The following TNFRSF21 variants were observed in gnomAD, a reference collection of about 807,000 sequenced individuals.
TNFRSF21 encodes tumor necrosis factor receptor superfamily member 21.
TNFRSF21 carries 19 observed loss-of-function variants against 45.6 expected under a neutral mutation model. The ratio of observed to expected loss-of-function variants is 0.42; its 90% confidence interval spans 0.29 to 0.61. The LOEUF (loss-of-function observed/expected upper bound fraction) is 0.61, where lower values mean the gene tolerates loss of function less well. Among genes scored for constraint, TNFRSF21 ranks in the 20% least tolerant of loss-of-function variants. TNFRSF21 has a pLI of 0.23. For synonymous variants in TNFRSF21, 314 were observed against 335.5 expected (o/e 0.94, Z 0.70); for missense variants, 737 against 851.5 (o/e 0.87, Z 1.67).
chr6:47,234,974 T>A, intron 4 of TNFRSF21, 76 bp from the exon 5 acceptor site: 1 of 809,358 alleles, frequency 1.2e-6, no homozygotes. Flanking sequence ...TCAGAGGCTA[T>A]TTTTTTTGTT....
chr6:47,273,234 T>A (rs967256827), intron 3 of TNFRSF21, among the ~76,000 whole-genome samples: 2 of 152,068 alleles, frequency 1.3e-5, no homozygotes. Context: ...TAGACCAATA[T>A]CCCTGATGAA....
rs1764590390 is a variant in TNFRSF21, at chr6:47,231,997, C to A, written c.*768G>T. 1 of 152,604 alleles carries A rather than the reference C, an allele frequency of 6.6e-6. No individual in the cohort carries two copies. Among genetic ancestry groups the A allele is most frequent in the Non-Finnish European group, 1.5e-5 (1 of 68,040 alleles). 9.5% of individuals were successfully genotyped at this position (152,604 alleles called of 1,614,324 possible). A position where few individuals can be genotyped will look rare whatever the true frequency, so the allele number is the denominator to read the frequency against. The stretch of plus-strand genomic sequence containing the variant: ...CCCAGTTGTCAAGCCACTTAAATAG[C>A]AAATCCTGATGGCTTGAGGATTTCA... On this transcript the variant is annotated 3_prime_UTR_variant, in exon 6 of 6. Coordinates refer to ENST00000296861, the MANE Select transcript of TNFRSF21 (RefSeq NM_014452.5).
chr6:47,249,139 C>G (rs1219290243), intron 4 of TNFRSF21, among the ~76,000 whole-genome samples: 1 of 152,222 alleles, frequency 6.6e-6, no homozygotes, highest in Non-Finnish European at 1.5e-5. Flanking sequence ...TCCTCCCAAC[C>G]TCTTGGATTT....
intron 1 of TNFRSF21, among the ~76,000 whole-genome samples, chr6:47,289,322 C>T (rs904116382): frequency 6.6e-6 from 1 of 152,260 alleles, no homozygotes; most frequent in Admixed American, 6.5e-5. Context: ...CTCTCCTACC[C>T]CAAAATTTAA....
rs766011219 is a variant in TNFRSF21, at chr6:47,286,844, CT to C, written c.97-250del. Among the ~76,000 whole-genome samples, 10 of 152,270 alleles carry C rather than the reference CT, an allele frequency of 6.6e-5. No homozygotes were observed. In the South Asian group the frequency reaches 1.2e-3, roughly 19 times the overall value. ...TTTCACTGCCTGACCTTTGCCTCAG[CT>C]TCCTTTTTTTCCATTTGTAAAATGA... On this transcript the variant is annotated intron_variant, in intron 1 of 5. Transcript: ENST00000296861.
chr6:47,305,856 T>C (rs1244582841), intron 1 of TNFRSF21, among the ~76,000 whole-genome samples: 1 of 152,184 alleles, frequency 6.6e-6, no homozygotes, highest in Admixed American at 6.5e-5. Flanking sequence ...CCTATGCAGT[T>C]AAAGCGAGCT....
intron 1 of TNFRSF21, among the ~76,000 whole-genome samples, chr6:47,292,080 G>GA (rs1253325719): frequency 6.6e-6 from 1 of 152,140 alleles, no homozygotes; most frequent in Non-Finnish European, 1.5e-5. Context: ...ATCTGGGAGT[G>GA]AAACAATGAG....
chr6:47,252,338 C>T (rs1362812575), intron 4 of TNFRSF21, among the ~76,000 whole-genome samples: 2 of 152,148 alleles, frequency 1.3e-5, no homozygotes, highest in Non-Finnish European at 2.9e-5. Context: ...GTCTTAGTGG[C>T]AGCATTTTCT....
At chr6:47,307,644 G>C (rs917500285) in intron 1 of TNFRSF21, among the ~76,000 whole-genome samples, 2 of 152,186 alleles carry the variant, frequency 1.3e-5, no homozygotes, top group Non-Finnish European at 2.9e-5. Flanking sequence ...AAAACGCTGG[G>C]ATTACAGGCA....
chr6:47,258,674 A>C (rs6899852), intron 3 of TNFRSF21, among the ~76,000 whole-genome samples: 60,532 of 151,880 alleles, frequency 0.4, 13,934 homozygotes, highest in Non-Finnish European at 0.53. Context: ...CCTGACCTCA[A>C]GTGATCTGCC....
At position 47,309,535 on chromosome 6, in the gene TNFRSF21, G is replaced by A. The variant is rs1182470633; in HGVS notation, c.-24C>T. 21 of 1,406,546 alleles carry A rather than the reference G, an allele frequency of 1.5e-5. No homozygotes were observed. In the Middle Eastern group the frequency reaches 7.6e-4, roughly 51 times the overall value. 87.1% of individuals were successfully genotyped at this position (1,406,546 alleles called of 1,614,324 possible). A position where few individuals can be genotyped will look rare whatever the true frequency, so the allele number is the denominator to read the frequency against. On this transcript the variant is annotated 5_prime_UTR_variant, in exon 1 of 6. Transcript: ENST00000296861. The stretch of plus-strand genomic sequence containing the variant: ...ATGGCTGAACCGGGGACTCGCAGGG[G>A]CGCCCGGGGCGCGCGGGGCAGCTGG...
chr6:47,236,422 A>G (rs921721490), intron 4 of TNFRSF21, among the ~76,000 whole-genome samples: 26 of 152,232 alleles, frequency 1.7e-4, no homozygotes, highest in African/African-American at 6.3e-4. Flanking sequence ...TTTTCAACGA[A>G]GACATTGATA....
chr6:47,282,897 A>G (rs1299083640), intron 3 of TNFRSF21, among the ~76,000 whole-genome samples: 1 of 152,084 alleles, frequency 6.6e-6, no homozygotes, highest in African/African-American at 2.4e-5. Context: ...GTTATTTTCA[A>G]TTTCTATGAG....
intron 3 of TNFRSF21, among the ~76,000 whole-genome samples, chr6:47,274,792 G>GA (rs1382004470): frequency 2.6e-5 from 4 of 151,918 alleles, no homozygotes; most frequent in Admixed American, 6.6e-5. Context: ...AAATTTACAA[G>GA]AAAAAAACAA....
At chr6:47,276,466 T>C (rs943528612) in intron 3 of TNFRSF21, among the ~76,000 whole-genome samples, 2 of 152,184 alleles carry the variant, frequency 1.3e-5, no homozygotes, top group Non-Finnish European at 2.9e-5. Flanking sequence ...ATCAAACTGT[T>C]TATCCAAGCT....
At chr6:47,279,665 A>T (rs754837490) in intron 3 of TNFRSF21, among the ~76,000 whole-genome samples, 6 of 152,222 alleles carry the variant, frequency 3.9e-5, no homozygotes, top group Non-Finnish European at 8.8e-5. Context: ...TTGAGGTTAT[A>T]CAACAAAAAG....
chr6:47,257,762 C>T (rs1156961898), intron 3 of TNFRSF21, among the ~76,000 whole-genome samples: 1 of 152,108 alleles, frequency 6.6e-6, no homozygotes, highest in African/African-American at 2.4e-5. Flanking sequence ...TTTACTATTC[C>T]TTTTTAAACT....
intron 1 of TNFRSF21, among the ~76,000 whole-genome samples, chr6:47,303,924 A>G (rs1762905494): frequency 6.6e-6 from 1 of 152,232 alleles, no homozygotes; most frequent in Non-Finnish European, 1.5e-5. Flanking sequence ...TGCTAATGCT[A>G]AATGAGGATC....
chr6:47,233,810 A>G lies in TNFRSF21; in HGVS notation c.1739-816T>C, dbSNP rs184095698. On this transcript the variant is annotated intron_variant, in intron 5 of 5. Transcript: ENST00000296861. Reference sequence around the variant, plus strand: ...ACTAAAATATAACTGGAATTACCCAAAACTAGAAAATTTCTTTAAAAACTG... The same window carrying G: ...ACTAAAATATAACTGGAATTACCCAGAACTAGAAAATTTCTTTAAAAACTG... 1.1e-4 allele frequency among the ~76,000 whole-genome samples: 17 copies of G among 152,158 alleles called. No individual in the cohort carries two copies. The East Asian group carries it at 3.3e-3, about 29-fold the overall frequency.
Sources: gnomAD v4.1 joint callset for allele counts (sites outside exome capture counted in the v4.1 genomes callset) on GRCh38, gnomAD v4.1.1 for gene constraint, MANE v1.5 for transcripts, NCBI Gene and HGNC (gene_info 2026-07-23, HGNC 2026-07-21) for gene names.